Variants in MSRA observed in about 807,000 individuals in gnomAD.
MSRA encodes the protein mitochondrial peptide methionine sulfoxide reductase.
MSRA carries 54 observed loss-of-function variants against 31.3 expected under a neutral mutation model. That is an observed-to-expected ratio of 1.73 (90% CI 1.39 to 2.17). The LOEUF (loss-of-function observed/expected upper bound fraction) is 2.17, where lower values mean the gene tolerates loss of function less well. MSRA is among the 30% of genes most tolerant of loss of function. MSRA has a pLI of 0.00. For synonymous variants in MSRA, 169 were observed against 116.5 expected (o/e 1.45, Z -2.90); for missense variants, 507 against 300.9 (o/e 1.69, Z -5.07).
intron 1 of MSRA, among the ~76,000 whole-genome samples, chr8:10,190,345 G>A (rs1045738834): frequency 3.3e-5 from 5 of 152,264 alleles, no homozygotes; most frequent in East Asian, 3.9e-4. Context: ...TGCCTGTGCC[G>A]CTTCTGTCCG....
chr8:10,319,942 G>A lies in MSRA; in HGVS notation c.496G>A (p.Ala166Thr), dbSNP rs778510160. The change falls in exon 5 of 6, where the codon GCC becomes ACC. Residue 166 changes from alanine to threonine, a missense_variant. Physicochemically the swap from Ala to Thr is moderately conservative, Grantham distance 58. Coordinates refer to ENST00000317173, the MANE Select transcript of MSRA (RefSeq NM_012331.5). Reference protein sequence around the residue: ...QYRSAIYPTSAKQMEAALSSK... With the variant: ...QYRSAIYPTSTKQMEAALSSK... ...CCGCTCGGCCATCTACCCGACCTCT[G>A]CCAAGCAAATGGAGGCAGCCCTGAG... 19 of 1,602,186 alleles carry A rather than the reference G, an allele frequency of 1.2e-5. No individual in the cohort carries two copies. The highest frequency in any genetic ancestry group is 3.4e-5 in the Admixed American group (2 of 58,372).
At chr8:10,114,836 T>C (rs1020928493) in intron 1 of MSRA, among the ~76,000 whole-genome samples, 4 of 152,318 alleles carry the variant, frequency 2.6e-5, no homozygotes, top group South Asian at 2.1e-4. Context: ...AAATGTAATA[T>C]AATTCTAGCA....
chr8:10,058,754 C>T (rs571874435), intron 1 of MSRA, among the ~76,000 whole-genome samples: 15 of 152,308 alleles, frequency 9.8e-5, no homozygotes, highest in Non-Finnish European at 1.3e-4. Context: ...ACAGTGTGCA[C>T]TGTTAGCAAA....
chr8:10,386,511 C>G (rs1252308105), intron 5 of MSRA, among the ~76,000 whole-genome samples: 1 of 152,176 alleles, frequency 6.6e-6, no homozygotes, highest in Non-Finnish European at 1.5e-5. Context: ...CGTGAACCTT[C>G]AAATCTGTGT....
At chr8:10,124,401 C>T (rs1028774099) in intron 1 of MSRA, among the ~76,000 whole-genome samples, 1 of 152,106 alleles carries the variant, frequency 6.6e-6, no homozygotes, top group Non-Finnish European at 1.5e-5. Flanking sequence ...GCAAACCAGA[C>T]CCGTTTTTCT....
At chr8:10,147,672 G>A (rs1308225949) in intron 1 of MSRA, among the ~76,000 whole-genome samples, 2 of 152,136 alleles carry the variant, frequency 1.3e-5, no homozygotes, top group African/African-American at 4.8e-5. Flanking sequence ...CTCTTGGCAT[G>A]GCCATCTGCA....
chr8:10,293,429 G>A (rs879702873), intron 3 of MSRA, among the ~76,000 whole-genome samples: 6 of 152,200 alleles, frequency 3.9e-5, no homozygotes, highest in African/African-American at 1.2e-4. Context: ...CTGACGTCCC[G>A]GTATGCGTGT....
chr8:10,163,640 A>T (rs1563169612), intron 1 of MSRA, among the ~76,000 whole-genome samples: 1 of 152,270 alleles, frequency 6.6e-6, no homozygotes, highest in Non-Finnish European at 1.5e-5. Flanking sequence ...TCAGTATGGC[A>T]TTGGGTGGAA....
chr8:10,167,741 G>A (rs1213804315), intron 1 of MSRA, among the ~76,000 whole-genome samples: 1 of 152,126 alleles, frequency 6.6e-6, no homozygotes, highest in African/African-American at 2.4e-5. Flanking sequence ...GATGTCAAAA[G>A]CCTGGAGAGT....
intron 1 of MSRA, among the ~76,000 whole-genome samples, chr8:10,136,197 G>A (rs190629492): frequency 7.2e-4 from 110 of 152,332 alleles, no homozygotes; most frequent in African/African-American, 2.5e-3. Flanking sequence ...CCCGGGCAGA[G>A]AGGAGCTCTG....
intron 1 of MSRA, among the ~76,000 whole-genome samples, chr8:10,074,695 G>C (rs757533953): frequency 6.6e-6 from 1 of 151,494 alleles, no homozygotes; most frequent in Non-Finnish European, 1.5e-5. Flanking sequence ...GTCTTGCTCT[G>C]TTGCTGAGGC....
chr8:10,131,434 C>T (rs961091492), intron 1 of MSRA, among the ~76,000 whole-genome samples: 1 of 152,156 alleles, frequency 6.6e-6, no homozygotes, highest in South Asian at 2.1e-4. Flanking sequence ...GAAAAGAAGA[C>T]TTATTGTAGG....
intron 1 of MSRA, among the ~76,000 whole-genome samples, chr8:10,065,904 C>T (rs1373131418): frequency 2.0e-5 from 3 of 151,846 alleles, no homozygotes; most frequent in Non-Finnish European, 4.4e-5. Context: ...CCTGACAGTG[C>T]CTGCTCCTAC....
chr8:10,211,019 A>C (rs754563775), intron 2 of MSRA, among the ~76,000 whole-genome samples: 10 of 152,086 alleles, frequency 6.6e-5, no homozygotes, highest in Non-Finnish European at 1.5e-4. Flanking sequence ...TACAGGCATG[A>C]GTCATCGCAC....
At chr8:10,250,661 C>T (rs773705954) in intron 3 of MSRA, 48 of 590,410 alleles carry the variant, frequency 8.1e-5, no homozygotes, top group Admixed American at 1.5e-4. Flanking sequence ...GTGGGAAGAG[C>T]GGAGTGTGGG....
At position 10,428,571 on chromosome 8, in the gene MSRA, G is replaced by A. The variant is rs1371754501; in HGVS notation, c.*259G>A. ...TCTGGGGTCTGAGTGAAGATAGCAG[G>A]GATGCTGTGTTCACCCTTCTTGGTA... is the stretch of plus-strand genomic sequence containing the variant. On this transcript the variant is annotated 3_prime_UTR_variant, in exon 6 of 6. Coordinates refer to ENST00000317173, the MANE Select transcript of MSRA (RefSeq NM_012331.5). 4 of 431,946 alleles carry A rather than the reference G, an allele frequency of 9.3e-6. No individual in the cohort carries two copies. Among genetic ancestry groups the A allele is most frequent in the Non-Finnish European group, 1.7e-5 (4 of 240,048 alleles). The allele number at this position is 431,946 out of a possible 1,614,324, so 26.8% of individuals were successfully genotyped here.
chr8:10,181,107 C>T (rs564826493), intron 1 of MSRA, among the ~76,000 whole-genome samples: 55 of 152,262 alleles, frequency 3.6e-4, no homozygotes, highest in South Asian at 6.2e-4. Flanking sequence ...CTACAGCTCC[C>T]AGTAAATACT....
chr8:10,357,529 C>T (rs4840480), intron 5 of MSRA, among the ~76,000 whole-genome samples: 120,237 of 152,144 alleles, frequency 0.79, 48,434 homozygotes, highest in East Asian at 0.96. Context: ...TTTGACCAGC[C>T]GGAGCTCCTT....
chr8:10,068,597 G>A (rs781618423), intron 1 of MSRA, among the ~76,000 whole-genome samples: 9 of 152,196 alleles, frequency 5.9e-5, no homozygotes, highest in Non-Finnish European at 7.3e-5. Flanking sequence ...TTGCTCATTT[G>A]TCAAAGATGA....
Sources: gnomAD v4.1 joint callset for allele counts (sites outside exome capture counted in the v4.1 genomes callset) on GRCh38, gnomAD v4.1.1 for gene constraint, MANE v1.5 for transcripts, NCBI Gene and HGNC (gene_info 2026-07-23, HGNC 2026-07-21) for gene names.